The following ZNF66 variants were observed in gnomAD, a reference collection of about 807,000 sequenced individuals.
ZNF66 encodes the protein putative zinc finger protein 66.
In ZNF66, 32 loss-of-function variants were observed where a neutral mutation model predicts 35.2. The ratio of observed to expected loss-of-function variants is 0.91; its 90% CI spans 0.69 to 1.22. ZNF66 has a LOEUF of 1.22. ZNF66 is among the 50% of genes most tolerant of loss of function. The probability of loss-of-function intolerance (pLI) is 0.00; values close to 1 mark genes in which losing one functional copy is unlikely to be tolerated. For missense variants in ZNF66, 666 were observed against 543.1 expected, an observed-to-expected ratio of 1.23 and a Z score of -2.25; for synonymous variants, 231 against 181.3, an observed-to-expected ratio of 1.27 and a Z score of -2.20.
At chr19:20,797,953 T>C (rs1454298388) in intron 3 of ZNF66, among the ~76,000 whole-genome samples, 1 of 152,194 alleles carries the variant, frequency 6.6e-6, no homozygotes, top group Non-Finnish European at 1.5e-5. Context: ...GCTTGTATAC[T>C]TTAAGTCAAT....
At position 20,809,720 on chromosome 19, in the gene ZNF66, A is replaced by G. The variant is rs1267006777; in HGVS notation, c.*2398A>G. On this transcript the variant is annotated 3_prime_UTR_variant, in exon 4 of 4. Transcript: ENST00000344519. The stretch of plus-strand genomic sequence containing the variant: ...AGGAACAACTGATACCAGCCGCTGC[A>G]AAATCATGCCAAAATGTAAAGACCA... Among the ~76,000 whole-genome samples the G allele has an allele frequency of 6.6e-6, 1 of 152,318 alleles. No individual in the cohort carries two copies. The highest frequency in any genetic ancestry group is 1.5e-5 in the Non-Finnish European group (1 of 68,036).
chr19:20,798,584 G>T (rs1018461140), intron 3 of ZNF66, among the ~76,000 whole-genome samples: 7 of 152,094 alleles, frequency 4.6e-5, no homozygotes, highest in African/African-American at 1.7e-4. Context: ...TTCATTTCAG[G>T]CATGTTAATT....
At chr19:20,795,894 A>C (rs1971387468) in intron 3 of ZNF66, among the ~76,000 whole-genome samples, 2 of 152,142 alleles carry the variant, frequency 1.3e-5, no homozygotes, top group Non-Finnish European at 1.5e-5. Context: ...CAGAATTCTC[A>C]GTGGGACCAA....
At position 20,807,721 on chromosome 19, in the gene ZNF66, T is replaced by TG. The variant is rs954237790; in HGVS notation, c.*405dup. 6.6e-6 allele frequency among the ~76,000 whole-genome samples: 1 copy of TG among 151,810 alleles called. No homozygotes were observed. The highest frequency in any genetic ancestry group is 2.4e-5 in the African/African-American group (1 of 41,316). ...TCAGCTTGTCTAGTAGATGAGATTATGGGGGGTGGAGCCAAGATGGCTGAA... is the reference window on the plus strand; with the variant it reads ...TCAGCTTGTCTAGTAGATGAGATTATGGGGGGGTGGAGCCAAGATGGCTGAA... On this transcript the variant is annotated 3_prime_UTR_variant, in exon 4 of 4. Coordinates refer to ENST00000344519, the MANE Select transcript of ZNF66 (RefSeq NM_001355197.2).
chr19:20,805,627 C>G (rs1282813365), intron 3 of ZNF66, among the ~76,000 whole-genome samples, 200 bp from the exon 4 acceptor site: 1 of 151,954 alleles, frequency 6.6e-6, no homozygotes, highest in African/African-American at 2.4e-5. Flanking sequence ...ATACACTTAA[C>G]TCATTTATAA....
At chr19:20,789,619 T>C (rs1599548597) in intron 1 of ZNF66, among the ~76,000 whole-genome samples, 1 of 151,650 alleles carries the variant, frequency 6.6e-6, no homozygotes, top group East Asian at 1.9e-4. Flanking sequence ...CATTAACCTC[T>C]TTCTTTCTGT....
intron 3 of ZNF66, among the ~76,000 whole-genome samples, chr19:20,803,108 T>A (rs1971465067): frequency 6.6e-6 from 1 of 152,150 alleles, no homozygotes; most frequent in Admixed American, 6.6e-5. Flanking sequence ...AGTCTTTTTT[T>A]ATCATTAGAT....
chr19:20,781,513 C>CTT (rs113379208), intron 1 of ZNF66, among the ~76,000 whole-genome samples: 3 of 145,672 alleles, frequency 2.1e-5, no homozygotes, highest in African/African-American at 2.5e-5. Context: ...ATTATTTTAT[C>CTT]TTTTTTTTTT....
intron 3 of ZNF66, among the ~76,000 whole-genome samples, chr19:20,795,227 A>G (rs1048952857): frequency 9.2e-5 from 14 of 151,526 alleles, no homozygotes; most frequent in African/African-American, 2.9e-4. Context: ...CCATCACTAC[A>G]TTCAAATAGA....
intron 3 of ZNF66, among the ~76,000 whole-genome samples, chr19:20,798,379 C>T (rs1397307900): frequency 6.6e-6 from 1 of 151,682 alleles, no homozygotes. Flanking sequence ...CAGGAGGATA[C>T]CTGGAGCCCA....
chr19:20,779,932 A>AG (rs1568493239), intron 1 of ZNF66, among the ~76,000 whole-genome samples: 1 of 150,540 alleles, frequency 6.6e-6, no homozygotes, highest in South Asian at 2.1e-4. Flanking sequence ...CTGTCTCAAA[A>AG]AAAAAAAAAA....
intron 3 of ZNF66, chr19:20,799,104 C>T (rs1410678300): frequency 2.1e-5 from 3 of 144,314 alleles, no homozygotes; most frequent in Non-Finnish European, 4.5e-5. Flanking sequence ...CTCTGTTGCC[C>T]AGGCTAAAGT....
chr19:20,803,311 CTTTTTTT>C (rs71174750), intron 3 of ZNF66, among the ~76,000 whole-genome samples: 1 of 131,522 alleles, frequency 7.6e-6, no homozygotes, highest in Non-Finnish European at 1.7e-5. Flanking sequence ...CTCTTTCTGT[CTTTTTTT>C]TTTATCTTTG....
chr19:20,780,474 T>C (rs1022407686), intron 1 of ZNF66, among the ~76,000 whole-genome samples: 4 of 152,166 alleles, frequency 2.6e-5, no homozygotes, highest in Admixed American at 2.6e-4. Flanking sequence ...AGAGAGGTTA[T>C]GGGACTAACA....
chr19:20,778,375 G>C (rs1044453908), intron 1 of ZNF66, among the ~76,000 whole-genome samples: 1 of 152,198 alleles, frequency 6.6e-6, no homozygotes, highest in African/African-American at 2.4e-5. Context: ...GTTGGGATTA[G>C]AGGCGTGAGC....
At chr19:20,776,498 G>T in intron 1 of ZNF66, 48 bp downstream of exon 1, 1 of 1,516,538 alleles carries the variant, frequency 6.6e-7, no homozygotes, top group Non-Finnish European at 9.1e-7. Flanking sequence ...TGTCTGTGGC[G>T]GGACTCAGGC....
intron 1 of ZNF66, among the ~76,000 whole-genome samples, chr19:20,784,301 C>T (rs13343627): frequency 0.093 from 14,198 of 152,074 alleles, 675 homozygotes; most frequent in Middle Eastern, 0.11. Context: ...TATACTATGA[C>T]GTTCATTAAA....
chr19:20,805,620 C>T (rs1353790407), intron 3 of ZNF66, among the ~76,000 whole-genome samples: 1 of 152,010 alleles, frequency 6.6e-6, no homozygotes, highest in Non-Finnish European at 1.5e-5. Context: ...GCCCTTCATA[C>T]ACTTAACTCA....
At position 20,806,462 on chromosome 19, in the gene ZNF66, G is replaced by C; in HGVS notation, c.862G>C (p.Glu288Gln). 1 of 1,539,188 alleles carries C rather than the reference G, an allele frequency of 6.5e-7. No individual in the cohort carries two copies. The highest frequency in any genetic ancestry group is 9.0e-7 in the Non-Finnish European group (1 of 1,112,778). The stretch of plus-strand genomic sequence containing the variant: ...TACTGGAGAGAAACCCTACAAATGT[G>C]AAGAATGTGGCAAAGTTTTTAAGTA... ...IHTGEKPYKCEECGKVFKYLS... is the reference protein window; with the variant it reads ...IHTGEKPYKCQECGKVFKYLS... Residue 288 changes from glutamate to glutamine, a missense_variant, in exon 4 of 4, where the codon GAA becomes CAA. Physicochemically the swap from Glu to Gln is conservative, Grantham distance 29. Coordinates refer to ENST00000344519, the MANE Select transcript of ZNF66 (RefSeq NM_001355197.2).
Sources: allele counts gnomAD v4.1 joint callset (sites outside exome capture counted in the v4.1 genomes callset), GRCh38; gene constraint gnomAD v4.1.1; transcripts MANE v1.5; gene names NCBI Gene and HGNC (gene_info 2026-07-23, HGNC 2026-07-21).